The following KATNIP variants were observed in gnomAD, a reference collection of about 807,000 sequenced individuals.
KATNIP encodes katanin-interacting protein.
Under a neutral mutation model 174.0 loss-of-function variants are expected in KATNIP, and 126 were observed. The observed-to-expected ratio is 0.72, with a 90% CI of 0.63 to 0.84. KATNIP has a LOEUF of 0.84. KATNIP is among the 40% of genes least tolerant of loss of function. KATNIP has a pLI of 0.00. For synonymous variants in KATNIP, 810 were observed against 835.7 expected (o/e 0.97, Z 0.53); for missense variants, 1,958 against 2,109.7 (o/e 0.93, Z 1.41).
At chr16:27,611,719 C>T (rs545967952) in intron 2 of KATNIP, among the ~76,000 whole-genome samples, 1 of 152,282 alleles carries the variant, frequency 6.6e-6, no homozygotes, top group African/African-American at 2.4e-5. Context: ...ATCCCCTTTT[C>T]GCAGACAAGG....
chr16:27,558,782 C>T (rs1194925250), intron 1 of KATNIP, among the ~76,000 whole-genome samples: 1 of 151,434 alleles, frequency 6.6e-6, no homozygotes, highest in Admixed American at 6.6e-5. Context: ...CTGACTGTTG[C>T]CGTGGCAGAT....
At chr16:27,667,196 C>T (rs2077717029) in intron 6 of KATNIP, among the ~76,000 whole-genome samples, 1 of 152,028 alleles carries the variant, frequency 6.6e-6, no homozygotes, top group Non-Finnish European at 1.5e-5. Flanking sequence ...TGGTGTACAC[C>T]TGTAGTCCCA....
At chr16:27,579,265 A>G (rs1205717435) in intron 2 of KATNIP, among the ~76,000 whole-genome samples, 1 of 151,834 alleles carries the variant, frequency 6.6e-6, no homozygotes, top group Non-Finnish European at 1.5e-5. Flanking sequence ...CTGTGAGGCC[A>G]CTGTTGACTC....
intron 9 of KATNIP, 148 bp downstream of exon 9, chr16:27,698,648 A>T: frequency 1.3e-6 from 1 of 745,082 alleles, no homozygotes; most frequent in Non-Finnish European, 2.0e-6. Flanking sequence ...CTGTTCAGAC[A>T]GTCACCCACT....
chr16:27,552,715 C>T (rs1263101216), intron 1 of KATNIP, among the ~76,000 whole-genome samples: 9 of 97,856 alleles, frequency 9.2e-5, no homozygotes, highest in Admixed American at 1.3e-4. Context: ...TTTTTTGAGA[C>T]GGGAGTTTTG....
chr16:27,675,362 C>T (rs2078076465), intron 6 of KATNIP, among the ~76,000 whole-genome samples: 1 of 152,138 alleles, frequency 6.6e-6, no homozygotes, highest in African/African-American at 2.4e-5. Flanking sequence ...TGGCCCTGCC[C>T]TTGACACATG....
intron 17 of KATNIP, among the ~76,000 whole-genome samples, 193 bp downstream of exon 17, chr16:27,752,117 A>T (rs565307694): frequency 1.1e-4 from 16 of 150,542 alleles, no homozygotes; most frequent in African/African-American, 3.2e-4. Context: ...TTATTTTTTT[A>T]TTTTTTTTTA....
At chr16:27,750,909 G>A (rs1429337167) in intron 16 of KATNIP, among the ~76,000 whole-genome samples, 1 of 151,362 alleles carries the variant, frequency 6.6e-6, no homozygotes, top group Admixed American at 6.6e-5. Flanking sequence ...TGTATTTTTT[G>A]TAGAGACGAG....
intron 5 of KATNIP, among the ~76,000 whole-genome samples, chr16:27,648,234 A>G (rs2077016202): frequency 6.6e-6 from 1 of 152,000 alleles, no homozygotes; most frequent in African/African-American, 2.4e-5. Flanking sequence ...TAGAGGTTGC[A>G]GGGATCCAAG....
At chr16:27,731,614 T>C (rs1181437031) in intron 14 of KATNIP, among the ~76,000 whole-genome samples, 2 of 151,764 alleles carry the variant, frequency 1.3e-5, no homozygotes, top group African/African-American at 2.4e-5. Flanking sequence ...CCTGTCTTTC[T>C]TTTTCTTTTC....
intron 8 of KATNIP, among the ~76,000 whole-genome samples, chr16:27,686,495 A>G (rs2078529878): frequency 6.6e-6 from 1 of 152,158 alleles, no homozygotes; most frequent in Non-Finnish European, 1.5e-5. Flanking sequence ...TTTGTCTCTT[A>G]TAAGCAGCAC....
At position 27,683,491 on chromosome 16, in the gene KATNIP, G is replaced by A. The variant is rs79667777; in HGVS notation, c.940+1961G>A. 9.8e-3 allele frequency among the ~76,000 whole-genome samples: 1,496 copies of A among 152,310 alleles called. 25 individuals carry two copies. Among genetic ancestry groups the A allele is most frequent in the African/African-American group, 0.035 (1,439 of 41,570 alleles). ...GAAAGAGGCCTGCCTGGGGCCCGAG[G>A]AAGGTAGGAGTGGGAGGCAACCCCT... On this transcript the variant is annotated intron_variant, in intron 8 of 27. Coordinates refer to ENST00000261588, the MANE Select transcript of KATNIP (RefSeq NM_015202.5).
At chr16:27,725,884 A>G (rs1274982785) in intron 14 of KATNIP, among the ~76,000 whole-genome samples, 4 of 152,170 alleles carry the variant, frequency 2.6e-5, no homozygotes. Flanking sequence ...GGTATATTTT[A>G]TATACAGAAA....
chr16:27,570,163 G>T (rs2090235220), intron 1 of KATNIP, among the ~76,000 whole-genome samples: 1 of 152,184 alleles, frequency 6.6e-6, no homozygotes, highest in African/African-American at 2.4e-5. Context: ...GTGAGGTCTG[G>T]TAATAAGAAA....
At chr16:27,561,436 A>G (rs1256511815) in intron 1 of KATNIP, among the ~76,000 whole-genome samples, 1 of 151,824 alleles carries the variant, frequency 6.6e-6, no homozygotes, top group East Asian at 1.9e-4. Flanking sequence ...CTGCTCTCCC[A>G]TTAGCATTCC....
In KATNIP at chr16:27,708,806, AGTCGAGTTCTTT is replaced by A; in HGVS notation, c.1493_1504del (p.Val498_Phe501del). On this transcript the variant is annotated inframe_deletion, in exon 13 of 28. Transcript: ENST00000261588. ...ACTCGTGGTGGGTGGGTCTCACAGA[AGTCGAGTTCTTT>A]GACTTGAATGACACAAAGCTTTATG... The A allele has an allele frequency of 1.2e-6, 2 of 1,614,048 alleles. No individual in the cohort carries two copies. Among genetic ancestry groups the A allele is most frequent in the Non-Finnish European group, 1.7e-6 (2 of 1,180,022 alleles).
intron 13 of KATNIP, among the ~76,000 whole-genome samples, chr16:27,716,868 G>A (rs1009757450): frequency 6.6e-6 from 1 of 151,068 alleles, no homozygotes; most frequent in African/African-American, 2.4e-5. Flanking sequence ...TTTTTGAGAC[G>A]AAGTCTCACA....
At chr16:27,716,001 C>A (rs138001345) in intron 13 of KATNIP, among the ~76,000 whole-genome samples, 236 of 151,350 alleles carry the variant, frequency 1.6e-3, no homozygotes, top group African/African-American at 4.9e-3. Flanking sequence ...CTTGTACATG[C>A]ATGTTCATAG....
chr16:27,707,317 G>A (rs905111728), intron 12 of KATNIP, among the ~76,000 whole-genome samples: 5 of 152,198 alleles, frequency 3.3e-5, no homozygotes, highest in Non-Finnish European at 5.9e-5. Flanking sequence ...CAGCCCTGGA[G>A]GGCCTCAGGA....
Sources: gnomAD v4.1 joint callset for allele counts (sites outside exome capture counted in the v4.1 genomes callset) on GRCh38, gnomAD v4.1.1 for gene constraint, MANE v1.5 for transcripts, NCBI Gene and HGNC (gene_info 2026-07-23, HGNC 2026-07-21) for gene names.